SCN11A: variants seen among roughly 807,000 people sequenced by gnomAD.
SCN11A encodes sodium voltage-gated channel alpha subunit 11, also known as sodium channel protein type 11 subunit alpha.
SCN11A carries 122 observed loss-of-function variants against 162.2 expected under a neutral mutation model. That is an observed-to-expected ratio of 0.75 (90% confidence interval 0.65 to 0.87). SCN11A has a LOEUF of 0.87. Ranked by LOEUF, SCN11A falls within the 40% of genes least tolerant of loss-of-function variation. The probability of loss-of-function intolerance (pLI) is 0.00; values close to 1 mark genes in which losing one functional copy is unlikely to be tolerated. For synonymous variants in SCN11A, 758 were observed against 751.5 expected (o/e 1.01, Z -0.14); for missense variants, 2,015 against 2,181.6 (o/e 0.92, Z 1.52).
At chr3:39,015,035 T>C (rs6796391) in intron 2 of SCN11A, among the ~76,000 whole-genome samples, 23,742 of 152,186 alleles carry the variant, frequency 0.16, 3,763 homozygotes, top group African/African-American at 0.41. Context: ...GCCACTGCTA[T>C]GGTTTGAATA....
At chr3:39,035,726 G>A (rs1037320271) in intron 1 of SCN11A, among the ~76,000 whole-genome samples, 2 of 151,890 alleles carry the variant, frequency 1.3e-5, no homozygotes, top group East Asian at 1.9e-4. Context: ...TGCAAGCTCC[G>A]CCTCCCGGGT....
chr3:39,017,993 GGAAA>G (rs766116614), intron 2 of SCN11A, among the ~76,000 whole-genome samples: 10 of 152,092 alleles, frequency 6.6e-5, no homozygotes, highest in Admixed American at 1.3e-4. Flanking sequence ...TAATTTATTT[GGAAA>G]GAGTTTTGTT....
chr3:38,881,281 T>C (rs1245130176), intron 22 of SCN11A, among the ~76,000 whole-genome samples: 1 of 152,210 alleles, frequency 6.6e-6, no homozygotes, highest in Non-Finnish European at 1.5e-5. Context: ...CTATCTATCT[T>C]GATCTATACT....
At chr3:38,938,538 A>G (rs1474925828) in intron 7 of SCN11A, among the ~76,000 whole-genome samples, 1 of 23,970 alleles carries the variant, frequency 4.2e-5, no homozygotes, top group African/African-American at 1.8e-4. Context: ...ATATATATAT[A>G]TATATATATA....
intron 28 of SCN11A, among the ~76,000 whole-genome samples, chr3:38,857,910 G>A (rs994551980): frequency 2.6e-5 from 4 of 152,054 alleles, no homozygotes; most frequent in Non-Finnish European, 5.9e-5. Context: ...TTCATAAAAA[G>A]AGGGAGAGAT....
In SCN11A at chr3:38,921,262, AAG is replaced by A. The variant is rs779430054; in HGVS notation, c.713-9_713-8del. The A allele has an allele frequency of 6.2e-7, 1 of 1,613,290 alleles. No homozygotes were observed. Among genetic ancestry groups the A allele is most frequent in the South Asian group, 1.1e-5 (1 of 91,000 alleles). The stretch of plus-strand genomic sequence containing the variant: ...CCCACGATGACCTTCAGACCTGAGA[AAG>A]AGGACAGGCTTGGGGAGAAGCCCAT... On this transcript the variant is annotated splice_polypyrimidine_tract_variant and splice_region_variant and intron_variant, in intron 9 of 29. Transcript: ENST00000302328.
rs1045901467 is a variant in SCN11A at position 38,908,944 on chromosome 3, G to A, written c.1299+53C>T. The A allele has an allele frequency of 9.7e-6, 15 of 1,550,008 alleles. No individual in the cohort carries two copies. In the African/African-American group the frequency reaches 1.8e-4, roughly 18 times the overall value. On this transcript the variant is annotated intron_variant, in intron 13 of 29. Coordinates refer to ENST00000302328, the MANE Select transcript of SCN11A (RefSeq NM_001349253.2). ...GAGTCTCAGGTCACATTGCCTCTGG[G>A]GACCCCTTCCCCTCCCCAGAGCAGA...
chr3:38,853,854 G>A (rs2064823950), intron 28 of SCN11A, among the ~76,000 whole-genome samples: 1 of 152,076 alleles, frequency 6.6e-6, no homozygotes, highest in South Asian at 2.1e-4. Context: ...TGTGCCTATT[G>A]TACTACTTTA....
intron 1 of SCN11A, among the ~76,000 whole-genome samples, chr3:39,042,092 A>G (rs1394344428): frequency 6.6e-6 from 1 of 152,056 alleles, no homozygotes; most frequent in Non-Finnish European, 1.5e-5. Context: ...AACATGGTGA[A>G]ACCCTGTCCC....
intron 3 of SCN11A, among the ~76,000 whole-genome samples, chr3:38,957,092 T>TTA (rs1385892457): frequency 6.6e-6 from 1 of 152,134 alleles, no homozygotes; most frequent in African/African-American, 2.4e-5. Flanking sequence ...GTAAGCTAAT[T>TTA]TAAAGTTAGA....
intron 8 of SCN11A, 90 bp downstream of exon 8, chr3:38,926,713 A>T: frequency 7.5e-7 from 1 of 1,335,826 alleles, no homozygotes; most frequent in Non-Finnish European, 1.0e-6. Flanking sequence ...ATACTCAGCC[A>T]CTCAAATGGA....
At chr3:38,987,303 TCACACACACACACA>T (rs57092499) in intron 2 of SCN11A, among the ~76,000 whole-genome samples, 8 of 104,470 alleles carry the variant, frequency 7.7e-5, no homozygotes, top group East Asian at 2.7e-4. Context: ...TCTCTCTCTC[TCACACACACACACA>T]CACACACACA....
intron 29 of SCN11A, chr3:38,849,959 C>T (rs1035533460): frequency 6.5e-6 from 1 of 152,860 alleles, no homozygotes; most frequent in African/African-American, 2.4e-5. Context: ...GAATGATATA[C>T]TCTTGAAAGC....
intron 2 of SCN11A, among the ~76,000 whole-genome samples, chr3:39,019,975 A>T (rs190220558): frequency 2.6e-5 from 4 of 152,352 alleles, no homozygotes; most frequent in Admixed American, 2.6e-4. Context: ...GTGGTGAAGC[A>T]GACCCCATAG....
intron 2 of SCN11A, among the ~76,000 whole-genome samples, chr3:39,007,646 T>C (rs1194799581): frequency 6.6e-6 from 1 of 152,224 alleles, no homozygotes; most frequent in Non-Finnish European, 1.5e-5. Context: ...GAATACATCA[T>C]TGTGCCAGGA....
At chr3:38,915,754 G>C (rs1373523753) in intron 11 of SCN11A, among the ~76,000 whole-genome samples, 1 of 152,142 alleles carries the variant, frequency 6.6e-6, no homozygotes, top group African/African-American at 2.4e-5. Context: ...GGGCCATGTG[G>C]TGATGAGAAG....
intron 7 of SCN11A, among the ~76,000 whole-genome samples, chr3:38,938,043 T>C (rs2066364910): frequency 6.6e-6 from 1 of 152,162 alleles, no homozygotes; most frequent in Admixed American, 6.5e-5. Flanking sequence ...TGGAATACGA[T>C]GCAGCCATAA....
intron 2 of SCN11A, among the ~76,000 whole-genome samples, chr3:38,965,991 T>TA (rs200148776): frequency 0.019 from 2,857 of 148,586 alleles, 91 homozygotes; most frequent in African/African-American, 0.066. Context: ...TAAAAAAAAT[T>TA]AAAAAAAAAA....
At chr3:38,855,158 G>C (rs536122551) in intron 28 of SCN11A, among the ~76,000 whole-genome samples, 1 of 152,200 alleles carries the variant, frequency 6.6e-6, no homozygotes, top group Non-Finnish European at 1.5e-5. Flanking sequence ...AGGCTGCCTG[G>C]ATCTAAACTT....
Sources: gnomAD v4.1 joint callset for allele counts (sites outside exome capture counted in the v4.1 genomes callset) on GRCh38, gnomAD v4.1.1 for gene constraint, MANE v1.5 for transcripts, NCBI Gene and HGNC (gene_info 2026-07-23, HGNC 2026-07-21) for gene names.